Variants in XRCC5 observed in about 807,000 individuals in gnomAD.
XRCC5 encodes DNA repair protein Ku80.
Under a neutral mutation model 95.7 loss-of-function variants are expected in XRCC5, and 12 were observed. That is an observed-to-expected ratio of 0.13 (90% CI 0.08 to 0.20). XRCC5 has a LOEUF of 0.20. XRCC5 is among the 10% of genes least tolerant of loss of function. XRCC5 has a pLI of 1.00. For missense variants in XRCC5, 595 were observed against 873.9 expected (o/e 0.68, Z 4.02); for synonymous variants, 281 against 290.3 (o/e 0.97, Z 0.33).
chr2:216,114,409 C>T (rs991380767), intron 2 of XRCC5, among the ~76,000 whole-genome samples: 2 of 152,034 alleles, frequency 1.3e-5, no homozygotes, highest in African/African-American at 4.8e-5. Context: ...AAGGAAGGTG[C>T]TCTAACCCTG....
At chr2:216,139,045 G>T (rs1697133570) in intron 12 of XRCC5, among the ~76,000 whole-genome samples, 1 of 152,138 alleles carries the variant, frequency 6.6e-6, no homozygotes, top group African/African-American at 2.4e-5. Flanking sequence ...CTGCATCACG[G>T]TGGAGGCAGG....
intron 16 of XRCC5, among the ~76,000 whole-genome samples, chr2:216,162,929 T>C (rs1019881503): frequency 2.0e-5 from 3 of 152,228 alleles, no homozygotes; most frequent in Admixed American, 2.0e-4. Flanking sequence ...ATTCACTTGA[T>C]TGCATTCAGG....
chr2:216,112,266 A>C (rs1014393879), intron 1 of XRCC5, among the ~76,000 whole-genome samples: 1 of 152,196 alleles, frequency 6.6e-6, no homozygotes, highest in Non-Finnish European at 1.5e-5. Context: ...TTACTTGTTC[A>C]CATGATTGAC....
At chr2:216,189,083 C>T (rs1407400035) in intron 16 of XRCC5, among the ~76,000 whole-genome samples, 2 of 152,146 alleles carry the variant, frequency 1.3e-5, no homozygotes, top group East Asian at 1.9e-4. Context: ...TTCTTAGCAC[C>T]GATTTCATGT....
intron 19 of XRCC5, among the ~76,000 whole-genome samples, chr2:216,197,193 A>G (rs569859474): frequency 6.6e-6 from 1 of 152,346 alleles, no homozygotes; most frequent in South Asian, 2.1e-4. Context: ...TTTGAAATGT[A>G]AAGGCACTGA....
intron 1 of XRCC5, among the ~76,000 whole-genome samples, chr2:216,110,230 C>T (rs1696562175): frequency 6.9e-6 from 1 of 144,988 alleles, no homozygotes; most frequent in Admixed American, 7.1e-5. Flanking sequence ...ACAGAAATTA[C>T]AATGAATTTT....
intron 10 of XRCC5, among the ~76,000 whole-genome samples, chr2:216,135,836 C>T (rs1231257297): frequency 3.3e-5 from 5 of 151,134 alleles, no homozygotes; most frequent in South Asian, 2.1e-4. Flanking sequence ...GGTGCGGTGG[C>T]ATTATCAAAG....
intron 15 of XRCC5, among the ~76,000 whole-genome samples, chr2:216,160,896 A>C (rs1688939876): frequency 6.6e-6 from 1 of 151,962 alleles, no homozygotes; most frequent in East Asian, 1.9e-4. Flanking sequence ...TTTTTCATAG[A>C]GGTGGGGTCT....
In XRCC5 at chr2:216,148,189, T is replaced by C; in HGVS notation, c.1583T>C (p.Ile528Thr). Residue 528 changes from isoleucine (I) to threonine (T), a missense_variant, in exon 14 of 21, where the codon ATT becomes ACT. This residue lies in a region of XRCC5 where 309 missense variants were observed against 382.9 expected (regional missense o/e 0.81). Coordinates refer to ENST00000392132, the MANE Select transcript of XRCC5 (RefSeq NM_021141.4). ...GCTGAGGTGACAACAAAAAGTCAGA[T>C]TCCTCTCTCTAAAATAAAGACCCTT... ...PPAEVTTKSQ[I>T]PLSKIKTLFP... The C allele has an allele frequency of 1.2e-6, 2 of 1,614,094 alleles. No homozygotes were observed. Among genetic ancestry groups the C allele is most frequent in the Non-Finnish European group, 8.5e-7 (1 of 1,179,994 alleles).
chr2:216,120,691 GACTATAGATGCATGTT>G (rs2106003173), intron 5 of XRCC5, among the ~76,000 whole-genome samples: 1 of 152,192 alleles, frequency 6.6e-6, no homozygotes, highest in African/African-American at 2.4e-5. Flanking sequence ...GTATAGCTGA[GACTATAGATGCATGTT>G]ACCACACCCA....
At chr2:216,121,618 C>T (rs41299762) in intron 5 of XRCC5, among the ~76,000 whole-genome samples, 2 of 152,192 alleles carry the variant, frequency 1.3e-5, no homozygotes, top group East Asian at 1.9e-4. Flanking sequence ...TCATTACCTC[C>T]TAAAGGGCCT....
intron 5 of XRCC5, among the ~76,000 whole-genome samples, chr2:216,120,601 C>T (rs1285232318): frequency 1.3e-5 from 2 of 151,622 alleles, no homozygotes; most frequent in Admixed American, 1.3e-4. Flanking sequence ...TTTTTAGAAA[C>T]GTCTTCTGTA....
chr2:216,137,344 A>G (rs1162065197), intron 11 of XRCC5, 119 bp downstream of exon 11: 4 of 1,222,170 alleles, frequency 3.3e-6, no homozygotes, highest in Non-Finnish European at 4.4e-6. Flanking sequence ...GCAGATCCTC[A>G]TTGTGTAGTT....
At chr2:216,156,235 G>A (rs1258752083) in intron 14 of XRCC5, 3 of 477,046 alleles carry the variant, frequency 6.3e-6, no homozygotes, top group African/African-American at 4.0e-5. Context: ...GAGGCCATAG[G>A]TTAAGTTTCC....
chr2:216,148,209 A>T lies in XRCC5; in HGVS notation c.1603A>T (p.Thr535Ser). The T allele has an allele frequency of 2.5e-6, 4 of 1,613,914 alleles. No individual in the cohort carries two copies. The highest frequency in any genetic ancestry group is 3.4e-6 in the Non-Finnish European group (4 of 1,179,982). The change falls in exon 14 of 21, where the codon ACC (threonine) becomes TCC (serine). Residue 535 changes from threonine (T) to serine (S), a missense_variant. By Grantham distance (58) the Thr-to-Ser change is moderately conservative. Transcript: ENST00000392132. ...TCAGATTCCTCTCTCTAAAATAAAG[A>T]CCCTTTTTCCTCTGATTGAAGCCAA... Reference protein sequence around the residue: ...KSQIPLSKIKTLFPLIEAKKK... With the variant: ...KSQIPLSKIKSLFPLIEAKKK...
At chr2:216,119,849 T>A (rs1696775537) in intron 5 of XRCC5, among the ~76,000 whole-genome samples, 1 of 152,262 alleles carries the variant, frequency 6.6e-6, no homozygotes, top group South Asian at 2.1e-4. Context: ...TTCTTTTCAC[T>A]ACACTAACCC....
intron 6 of XRCC5, among the ~76,000 whole-genome samples, chr2:216,124,003 A>G (rs749682331): frequency 3.3e-5 from 5 of 152,244 alleles, no homozygotes; most frequent in Non-Finnish European, 5.9e-5. Context: ...AGTAGCCATT[A>G]GCTACATGTG....
At chr2:216,138,462 G>A (rs1335015399) in intron 12 of XRCC5, among the ~76,000 whole-genome samples, 1 of 152,214 alleles carries the variant, frequency 6.6e-6, no homozygotes, top group African/African-American at 2.4e-5. Flanking sequence ...CTAGTTGTGA[G>A]CAGAGTTTGC....
intron 16 of XRCC5, among the ~76,000 whole-genome samples, chr2:216,180,196 G>A (rs1689357381): frequency 6.6e-6 from 1 of 152,224 alleles, no homozygotes. Flanking sequence ...AGATCCTTGA[G>A]TAACGGAGAG....
Sources: gnomAD v4.1 joint callset for allele counts (sites outside exome capture counted in the v4.1 genomes callset) on GRCh38, gnomAD v4.1.1 for gene constraint, gnomAD v4.1.1 regional missense constraint, MANE v1.5 for transcripts, NCBI Gene and HGNC (gene_info 2026-07-23, HGNC 2026-07-21) for gene names.